The following LRRK2 variants were observed in gnomAD, a reference collection of about 807,000 sequenced individuals.
LRRK2 encodes leucine-rich repeat serine/threonine-protein kinase 2.
In LRRK2, 203 loss-of-function variants were observed where a neutral mutation model predicts 302.6. The observed-to-expected ratio is 0.67, with a 90% CI of 0.60 to 0.75. The LOEUF is 0.75. LRRK2 is among the 30% of genes least tolerant of loss of function. LRRK2 has a pLI of 0.00. For synonymous variants in LRRK2, 1,066 were observed against 1,031.9 expected (o/e 1.03, Z -0.63); for missense variants, 2,830 against 2,951.0 (o/e 0.96, Z 0.95).
chr12:40,306,236 T>G (rs1320034017), intron 28 of LRRK2, among the ~76,000 whole-genome samples: 1 of 152,142 alleles, frequency 6.6e-6, no homozygotes, highest in East Asian at 1.9e-4. Context: ...TAAAAGAAAA[T>G]AAGTATTGCT....
At chr12:40,352,177 G>C (rs1411298418) in intron 44 of LRRK2, among the ~76,000 whole-genome samples, 1 of 152,166 alleles carries the variant, frequency 6.6e-6, no homozygotes, top group African/African-American at 2.4e-5. Context: ...AATCTGCTGG[G>C]AGGTGGGGGT....
intron 2 of LRRK2, among the ~76,000 whole-genome samples, chr12:40,226,877 T>C (rs1297401961): frequency 6.6e-6 from 1 of 152,156 alleles, no homozygotes; most frequent in African/African-American, 2.4e-5. Context: ...AAGTGCCTGA[T>C]TCTGGCCACC....
At chr12:40,355,468 T>C (rs1292955264) in intron 45 of LRRK2, among the ~76,000 whole-genome samples, 1 of 150,612 alleles carries the variant, frequency 6.6e-6, no homozygotes, top group Admixed American at 6.6e-5. Flanking sequence ...AGGCTCCTAC[T>C]CTCCCACAGA....
At position 40,354,471 on chromosome 12, in the gene LRRK2, G is replaced by A; in HGVS notation, c.6749G>A (p.Cys2250Tyr). 6.2e-7 allele frequency: 1 copy of A among 1,614,022 alleles called. No homozygotes were observed. Among genetic ancestry groups the A allele is most frequent in the Non-Finnish European group, 8.5e-7 (1 of 1,179,958 alleles). Residue 2250 changes from cysteine to tyrosine, a missense_variant, in exon 45 of 51, where the codon TGC becomes TAC. Cys to Tyr is a radical substitution (Grantham distance 194). Transcript: ENST00000298910. ...KMTDSVTCLYCNSFSKQSKQK... is the reference protein window; with the variant it reads ...KMTDSVTCLYYNSFSKQSKQK... Reference sequence around the variant, plus strand: ...ACTGATTCTGTCACTTGTTTGTATTGCAATTCCTTTTCCAAGCAAAGGTAT... The same window carrying A: ...ACTGATTCTGTCACTTGTTTGTATTACAATTCCTTTTCCAAGCAAAGGTAT...
intron 26 of LRRK2, 65 bp downstream of exon 26, chr12:40,302,947 T>A (rs1944684042): frequency 8.7e-7 from 1 of 1,143,112 alleles, no homozygotes; most frequent in Admixed American, 1.7e-5. Flanking sequence ...AGAAACATGA[T>A]TTCGATTTAG....
chr12:40,358,778 T>A (rs1488311700), intron 46 of LRRK2, among the ~76,000 whole-genome samples: 2 of 152,174 alleles, frequency 1.3e-5, no homozygotes, highest in African/African-American at 4.8e-5. Context: ...GGAGCTTTCA[T>A]GGGAATTTCA....
At chr12:40,240,642 A>G in intron 6 of LRRK2, 25 bp downstream of exon 6, 1 of 1,606,046 alleles carries the variant, frequency 6.2e-7, no homozygotes, top group Non-Finnish European at 8.5e-7. Context: ...AATGTTATTT[A>G]TTTTTTGTAT....
At chr12:40,293,260 A>AT (rs1944231807) in intron 20 of LRRK2, among the ~76,000 whole-genome samples, 1 of 151,668 alleles carries the variant, frequency 6.6e-6, no homozygotes, top group Non-Finnish European at 1.5e-5. Context: ...GAATAGATTT[A>AT]TTTTTTTTCT....
At chr12:40,303,392 C>G (rs1045106360) in intron 26 of LRRK2, among the ~76,000 whole-genome samples, 1 of 152,060 alleles carries the variant, frequency 6.6e-6, no homozygotes, top group African/African-American at 2.4e-5. Context: ...ATCTTAAATG[C>G]TATTCTAATT....
chr12:40,324,564 T>C (rs1261282543), intron 38 of LRRK2, among the ~76,000 whole-genome samples: 1 of 152,230 alleles, frequency 6.6e-6, no homozygotes, highest in Non-Finnish European at 1.5e-5. Flanking sequence ...GTTGTGTGTA[T>C]ACATTTAATT....
intron 4 of LRRK2, 137 bp downstream of exon 4, chr12:40,235,851 A>C: frequency 1.6e-6 from 1 of 628,920 alleles, no homozygotes; most frequent in East Asian, 2.8e-5. Context: ...AAATGTCCTA[A>C]AATTGCATCT....
intron 44 of LRRK2, among the ~76,000 whole-genome samples, 183 bp downstream of exon 44, chr12:40,351,916 G>C (rs1038484240): frequency 2.0e-5 from 3 of 152,110 alleles, no homozygotes; most frequent in Non-Finnish European, 4.4e-5. Flanking sequence ...CTTAGCTCAG[G>C]GTCCCTAGAA....
In LRRK2 at chr12:40,226,521, A is replaced by C. The variant is rs569091849; in HGVS notation, c.237+881A>C. ...CAGACATGAGGCATCTCAATCTTTA[A>C]AGTGGTGTGGGTCTATCTTTATCTT... On this transcript the variant is annotated intron_variant, in intron 2 of 50. Coordinates refer to ENST00000298910, the MANE Select transcript of LRRK2 (RefSeq NM_198578.4). Among the ~76,000 whole-genome samples the C allele has an allele frequency of 5.3e-5, 8 of 152,312 alleles. No homozygotes were observed. The East Asian group carries it at 9.6e-4, about 18-fold the overall frequency.
At chr12:40,299,032 C>A in intron 24 of LRRK2, 77 bp from the exon 25 acceptor site, 1 of 1,468,510 alleles carries the variant, frequency 6.8e-7, no homozygotes, top group Non-Finnish European at 9.4e-7. Context: ...TCTTTGAAAG[C>A]AAATTGTTTT....
chr12:40,287,455 C>G lies in LRRK2; in HGVS notation c.2605C>G (p.Leu869Val). 6.2e-7 allele frequency: 1 copy of G among 1,612,724 alleles called. No homozygotes were observed. The highest frequency in any genetic ancestry group is 1.7e-5 in the Admixed American group (1 of 59,870). The part of the protein sequence containing the change: ...GSDGNFSEDV[L>V]SKFDEWTFIP... Reference sequence around the variant, plus strand: ...CGATGGAAATTTTTCTGAAGATGTGCTGTCTAAATTTGATGAATGGACCTT... The same window carrying G: ...CGATGGAAATTTTTCTGAAGATGTGGTGTCTAAATTTGATGAATGGACCTT... The change falls in exon 20 of 51, where the codon CTG (leucine) becomes GTG (valine). Residue 869 changes from leucine (L) to valine (V), a missense_variant. Physicochemically the swap from Leu to Val is conservative, Grantham distance 32. Around this residue, in one of 3 missense-constraint regions of LRRK2, gnomAD observed 2,121 missense variants for 2,148.0 expected, o/e 0.99. Transcript: ENST00000298910.
rs770721531 is a variant in LRRK2 at position 40,263,797 on chromosome 12, G to A, written c.1552G>A (p.Glu518Lys). 6 of 1,610,786 alleles carry A rather than the reference G, an allele frequency of 3.7e-6. No individual in the cohort carries two copies. The highest frequency in any genetic ancestry group is 5.1e-6 in the Non-Finnish European group (6 of 1,177,356). The change falls in exon 14 of 51, where the codon GAA becomes AAA. Residue 518 changes from glutamate to lysine, a missense_variant. By Grantham distance (56) the Glu-to-Lys change is moderately conservative. Around this residue, in one of 3 missense-constraint regions of LRRK2, gnomAD observed 2,121 missense variants for 2,148.0 expected, o/e 0.99. Coordinates refer to ENST00000298910, the MANE Select transcript of LRRK2 (RefSeq NM_198578.4). ...TTTATCTGTGCATTTAGGCATGCCAGAAGAATCCAGGGAGGATACAGAATT... is the reference window on the plus strand; with the variant it reads ...TTTATCTGTGCATTTAGGCATGCCAAAAGAATCCAGGGAGGATACAGAATT... ...ILHFIVPGMP[E>K]ESREDTEFHH... is the part of the protein sequence containing the mutation.
intron 44 of LRRK2, among the ~76,000 whole-genome samples, chr12:40,353,168 G>T (rs1358160546): frequency 6.7e-6 from 1 of 148,938 alleles, no homozygotes; most frequent in African/African-American, 2.5e-5. Flanking sequence ...TGGGCGGAGG[G>T]GCTCCTCACT....
Position 40,340,459 on chromosome 12 carries a change from G to A in LRRK2, c.6109+5G>A, listed in dbSNP as rs765468154. 3.7e-6 allele frequency: 6 copies of A among 1,613,616 alleles called. No homozygotes were observed. The highest frequency in any genetic ancestry group is 5.1e-6 in the Non-Finnish European group (6 of 1,179,720). On this transcript the variant is annotated splice_donor_5th_base_variant and intron_variant, in intron 41 of 50. Coordinates refer to ENST00000298910, the MANE Select transcript of LRRK2 (RefSeq NM_198578.4). ...AAACATCAGAGGGCACACCAGGTAG[G>A]TGATCAGGTCTGTCTCATAATTCTA...
At chr12:40,321,634 G>T (rs1188890333) in intron 35 of LRRK2, among the ~76,000 whole-genome samples, 1 of 152,014 alleles carries the variant, frequency 6.6e-6, no homozygotes, top group East Asian at 1.9e-4. Context: ...AGGTGTTACT[G>T]GTTTCCAAAA....
Sources: allele counts gnomAD v4.1 joint callset (sites outside exome capture counted in the v4.1 genomes callset), GRCh38; gene constraint gnomAD v4.1.1; regional missense constraint gnomAD v4.1.1; transcripts MANE v1.5; gene names NCBI Gene and HGNC (gene_info 2026-07-23, HGNC 2026-07-21).